Variants in RFC3 observed in about 807,000 individuals in gnomAD.
RFC3 encodes the protein replication factor C subunit 3.
A neutral mutation model predicts 45.1 loss-of-function variants in RFC3; 41 were observed. The observed-to-expected ratio is 0.91, with a 90% CI of 0.71 to 1.18. The LOEUF (loss-of-function observed/expected upper bound fraction) is 1.18. RFC3 is among the 50% of genes most tolerant of loss of function. The pLI, the probability that RFC3 is intolerant of heterozygous loss-of-function variation, is 0.00. For missense variants in RFC3, 423 were observed against 428.1 expected (o/e 0.99, Z 0.10); for synonymous variants, 149 against 144.0 (o/e 1.03, Z -0.25).
At chr13:33,944,960 AG>A (rs1380641449) in intron 8 of RFC3, among the ~76,000 whole-genome samples, 1 of 152,160 alleles carries the variant, frequency 6.6e-6, no homozygotes, top group Non-Finnish European at 1.5e-5. Flanking sequence ...ATAGAGCCAA[AG>A]GGCTCCCAGG....
intron 8 of RFC3, among the ~76,000 whole-genome samples, chr13:33,856,749 T>G (rs1334343107): frequency 6.6e-6 from 1 of 152,190 alleles, no homozygotes; most frequent in Non-Finnish European, 1.5e-5. Context: ...CACAGGAGAT[T>G]GGCTTTCTAA....
At chr13:33,955,084 T>C (rs764456061) in intron 8 of RFC3, among the ~76,000 whole-genome samples, 4 of 152,180 alleles carry the variant, frequency 2.6e-5, no homozygotes, top group Non-Finnish European at 5.9e-5. Context: ...CTAAATCTTA[T>C]GGTGCTAATT....
downstream of RFC3, among the ~76,000 whole-genome samples, chr13:33,967,019 G>A (rs181135478): frequency 7.3e-4 from 111 of 152,038 alleles, no homozygotes; most frequent in Middle Eastern, 3.4e-3. Context: ...TTAGCTGGGC[G>A]TGGTGGTGCC....
the RFC3 span, among the ~76,000 whole-genome samples, chr13:33,975,280 A>T: frequency 6.6e-6 from 1 of 152,204 alleles, no homozygotes; most frequent in African/African-American, 2.4e-5. Flanking sequence ...GAAAGAAGCT[A>T]GTCTAAAAAG....
intron 4 of RFC3, among the ~76,000 whole-genome samples, chr13:33,826,745 T>C (rs3135583): frequency 7.9e-5 from 12 of 152,310 alleles, no homozygotes; most frequent in African/African-American, 2.9e-4. Flanking sequence ...TTTGGTAGTT[T>C]GAGTTTTTTT....
chr13:33,958,154 G>A (rs866487227), intron 8 of RFC3, among the ~76,000 whole-genome samples: 10 of 152,354 alleles, frequency 6.6e-5, no homozygotes, highest in Admixed American at 3.3e-4. Flanking sequence ...TGACAGTGAA[G>A]TTAAGACATC....
chr13:33,898,561 G>T (rs1270673500), intron 8 of RFC3, among the ~76,000 whole-genome samples: 2 of 151,828 alleles, frequency 1.3e-5, no homozygotes, highest in Non-Finnish European at 2.9e-5. Context: ...AAAGTAGAAA[G>T]ACTTTAAATA....
chr13:33,826,125 T>G (rs901983251), intron 4 of RFC3, among the ~76,000 whole-genome samples: 1 of 152,154 alleles, frequency 6.6e-6, no homozygotes, highest in African/African-American at 2.4e-5. Flanking sequence ...TTAAAATAAT[T>G]GTTCTTATGA....
chr13:33,934,698 T>A (rs2082875073), intron 8 of RFC3, among the ~76,000 whole-genome samples: 1 of 152,172 alleles, frequency 6.6e-6, no homozygotes, highest in African/African-American at 2.4e-5. Flanking sequence ...TGATTTTGTG[T>A]TTCATTTTCT....
At chr13:33,910,650 G>A (rs942664122) in intron 8 of RFC3, among the ~76,000 whole-genome samples, 2 of 152,076 alleles carry the variant, frequency 1.3e-5, no homozygotes, top group Non-Finnish European at 2.9e-5. Context: ...AAGAAGAACA[G>A]CACTTAAAAA....
chr13:33,866,013 C>A (rs1381165467), intron 8 of RFC3, among the ~76,000 whole-genome samples: 4 of 152,128 alleles, frequency 2.6e-5, no homozygotes, highest in Admixed American at 6.5e-5. Flanking sequence ...GAGCCGAGAT[C>A]ATGCCATTGC....
chr13:33,898,527 A>G (rs115636568), intron 8 of RFC3, among the ~76,000 whole-genome samples: 188 of 152,084 alleles, frequency 1.2e-3, no homozygotes, highest in African/African-American at 4.1e-3. Context: ...AGGAAAGTTT[A>G]TAGCAATTTA....
intron 8 of RFC3, among the ~76,000 whole-genome samples, chr13:33,918,063 A>G (rs2082744449): frequency 6.6e-6 from 1 of 152,106 alleles, no homozygotes; most frequent in Admixed American, 6.6e-5. Context: ...AGTTGAGGAA[A>G]CTTGGATTCA....
chr13:33,833,367 A>T (rs2082121485), intron 7 of RFC3, among the ~76,000 whole-genome samples: 1 of 152,024 alleles, frequency 6.6e-6, no homozygotes, highest in Admixed American at 6.6e-5. Context: ...AACTTTTTAG[A>T]TTAAAAAAAA....
downstream of RFC3, among the ~76,000 whole-genome samples, chr13:33,969,950 G>A (rs552984900): frequency 6.2e-5 from 9 of 145,044 alleles, no homozygotes; most frequent in South Asian, 2.2e-4. Context: ...TTTATGTTCC[G>A]GGGTACATGT....
chr13:33,915,327 T>G (rs2082726106), intron 8 of RFC3, among the ~76,000 whole-genome samples: 1 of 152,170 alleles, frequency 6.6e-6, no homozygotes, highest in Non-Finnish European at 1.5e-5. Context: ...ACTTGCACCC[T>G]TTTCTTGATA....
intron 8 of RFC3, among the ~76,000 whole-genome samples, chr13:33,874,650 G>T (rs1054108406): frequency 3.9e-5 from 6 of 152,126 alleles, no homozygotes; most frequent in Non-Finnish European, 5.9e-5. Flanking sequence ...CAAACTATCT[G>T]CTTTCTCCTT....
chr13:33,835,481 G>A (rs1289579913), intron 8 of RFC3: 11 of 630,120 alleles, frequency 1.7e-5, no homozygotes, highest in Non-Finnish European at 2.4e-5. Context: ...AGTGTTGTAA[G>A]TGCTGTAAAG....
intron 8 of RFC3, among the ~76,000 whole-genome samples, chr13:33,843,057 CAA>C (rs2082211109): frequency 6.6e-6 from 1 of 151,954 alleles, no homozygotes; most frequent in Admixed American, 6.6e-5. Flanking sequence ...CACTTAATCA[CAA>C]AACACATTCC....
Sources: gnomAD v4.1 joint callset for allele counts (sites outside exome capture counted in the v4.1 genomes callset) on GRCh38, gnomAD v4.1.1 for gene constraint, MANE v1.5 for transcripts, NCBI Gene and HGNC (gene_info 2026-07-23, HGNC 2026-07-21) for gene names.